CACNA2D4: variants seen among roughly 807,000 people sequenced by gnomAD.
CACNA2D4 encodes the protein voltage-dependent calcium channel subunit alpha-2/delta-4.
Under a neutral mutation model 163.8 loss-of-function variants are expected in CACNA2D4, and 157 were observed. The observed-to-expected ratio is 0.96, with a 90% CI of 0.84 to 1.09. The LOEUF (loss-of-function observed/expected upper bound fraction) is 1.09. Ranked by LOEUF, CACNA2D4 falls within the 50% of genes least tolerant of loss-of-function variation. The pLI, the probability that CACNA2D4 is intolerant of heterozygous loss-of-function variation, is 0.00. For synonymous variants in CACNA2D4, 598 were observed against 586.9 expected, an observed-to-expected ratio of 1.02 and a Z score of -0.27; for missense variants, 1,410 against 1,479.9, an observed-to-expected ratio of 0.95 and a Z score of 0.78.
chr12:1,876,684 C>T (rs1865890236), intron 16 of CACNA2D4, among the ~76,000 whole-genome samples: 1 of 152,040 alleles, frequency 6.6e-6, no homozygotes, highest in South Asian at 2.1e-4. Flanking sequence ...GATCCCCTTT[C>T]CCCTCTTTCC....
intron 25 of CACNA2D4, 59 bp from the exon 26 acceptor site, chr12:1,840,878 G>A (rs942655399): frequency 2.2e-5 from 31 of 1,428,432 alleles, no homozygotes; most frequent in South Asian, 3.4e-5. Flanking sequence ...CAGGTGGAGC[G>A]CTACCACTTT....
chr12:1,872,504 G>T (rs1865807673), intron 18 of CACNA2D4, among the ~76,000 whole-genome samples: 1 of 152,190 alleles, frequency 6.6e-6, no homozygotes, highest in South Asian at 2.1e-4. Context: ...CCTGGAGACG[G>T]TTTCTACTGA....
intron 26 of CACNA2D4, among the ~76,000 whole-genome samples, chr12:1,839,031 C>A (rs907392300): frequency 6.6e-6 from 1 of 152,190 alleles, no homozygotes; most frequent in Admixed American, 6.5e-5. Flanking sequence ...TCAGACGGAG[C>A]CATTCTCCCC....
chr12:1,807,809 G>C (rs894627491), intron 29 of CACNA2D4, among the ~76,000 whole-genome samples: 1 of 152,148 alleles, frequency 6.6e-6, no homozygotes, highest in East Asian at 1.9e-4. Flanking sequence ...TGATCACAGT[G>C]GGGGAGCAAG....
At chr12:1,797,717 G>T (rs2154445121) in intron 34 of CACNA2D4, 182 bp from the exon 35 acceptor site, 1 of 638,416 alleles carries the variant, frequency 1.6e-6, no homozygotes, top group Non-Finnish European at 2.8e-6. Context: ...GACACCCGGA[G>T]TCTCTGGAGA....
chr12:1,810,379 T>TCACC (rs764947433), intron 28 of CACNA2D4, 39 bp from the exon 29 acceptor site: 143 of 1,590,134 alleles, frequency 9.0e-5, no homozygotes, highest in Middle Eastern at 1.7e-4. Flanking sequence ...GCCAGGGCCC[T>TCACC]CACCCACCCC....
intron 26 of CACNA2D4, among the ~76,000 whole-genome samples, chr12:1,839,808 C>T (rs950986839): frequency 1.3e-5 from 2 of 151,974 alleles, no homozygotes; most frequent in Admixed American, 6.6e-5. Flanking sequence ...GAATCAGCAT[C>T]CACTGTTTGC....
intron 26 of CACNA2D4, chr12:1,830,967 G>T: frequency 6.2e-7 from 1 of 1,612,710 alleles, no homozygotes; most frequent in Non-Finnish European, 8.5e-7. Context: ...GTATGCTGTG[G>T]AGGCCCTCCC....
rs750242046 is a variant in CACNA2D4, at chr12:1,885,048, A to G, written c.1097T>C (p.Met366Thr). 6.2e-7 allele frequency: 1 copy of G among 1,613,912 alleles called. No homozygotes were observed. Among genetic ancestry groups the G allele is most frequent in the Non-Finnish European group, 8.5e-7 (1 of 1,179,872 alleles). Residue 366 changes from methionine (M) to threonine (T), a missense_variant, in exon 10 of 38, where the codon ATG (methionine) becomes ACG (threonine). Transcript: ENST00000382722. The part of the protein sequence containing the change: ...EHFKLLVEEL[M>T]VKGVGVVDQA... ...GTCCACGACCCCCACACCTTTGACC[A>G]TCAACTCCTCCACCAGCAGTTTGAA...
Position 1,883,347 on chromosome 12 carries a change from G to A in CACNA2D4, c.1352-347C>T, listed in dbSNP as rs1049674259. ...TTCCTCACAGGAACATCTCATGAGA[G>A]TGCCCTGTAAGCTTTCTTCTGCCAC... On this transcript the variant is annotated intron_variant, in intron 12 of 37. Coordinates refer to ENST00000382722, the MANE Select transcript of CACNA2D4 (RefSeq NM_172364.5). The surrounding 1 kb of genome is among the most constrained non-coding windows in gnomAD (Gnocchi z 4.5). 2.0e-5 allele frequency among the ~76,000 whole-genome samples: 3 copies of A among 152,166 alleles called. No individual in the cohort carries two copies. The South Asian group carries it at 6.2e-4, about 31-fold the overall frequency.
chr12:1,859,547 A>T (rs990189522), intron 19 of CACNA2D4, among the ~76,000 whole-genome samples: 1 of 152,242 alleles, frequency 6.6e-6, no homozygotes, highest in Non-Finnish European at 1.5e-5. Flanking sequence ...ACGGAACCTG[A>T]GATCTTCCAA....
At chr12:1,891,112 T>A (rs2470393) in intron 6 of CACNA2D4, among the ~76,000 whole-genome samples, 10 of 151,940 alleles carry the variant, frequency 6.6e-5, no homozygotes, top group Non-Finnish European at 1.0e-4. Flanking sequence ...GCAAGCCACC[T>A]GGAGGCCCAA....
At chr12:1,860,422 G>T (rs1227175965) in intron 18 of CACNA2D4, among the ~76,000 whole-genome samples, 1 of 152,246 alleles carries the variant, frequency 6.6e-6, no homozygotes, top group Non-Finnish European at 1.5e-5. Context: ...GGCGTGGCCT[G>T]GATTTCAGGA....
intron 25 of CACNA2D4, among the ~76,000 whole-genome samples, chr12:1,842,010 TC>T (rs1403875825): frequency 1.3e-5 from 2 of 152,170 alleles, no homozygotes; most frequent in African/African-American, 2.4e-5. Flanking sequence ...CCGACAATAT[TC>T]CCTGGGTCCC....
rs768308730 is a variant in CACNA2D4, at chr12:1,846,707, C to A, written c.2247-18G>T. ...CAGACTCCCTGTGTGGCAGACAGAG[C>A]GGGAATGGTCACCACATGGCTGTGG... On this transcript the variant is annotated intron_variant, in intron 23 of 37. Coordinates refer to ENST00000382722, the MANE Select transcript of CACNA2D4 (RefSeq NM_172364.5). 2 of 1,573,664 alleles carry A rather than the reference C, an allele frequency of 1.3e-6. No individual in the cohort carries two copies. The highest frequency in any genetic ancestry group is 8.6e-7 in the Non-Finnish European group (1 of 1,161,540).
At chr12:1,815,596 C>G (rs376078781) in intron 26 of CACNA2D4, among the ~76,000 whole-genome samples, 1 of 147,570 alleles carries the variant, frequency 6.8e-6, no homozygotes, top group South Asian at 2.1e-4. Flanking sequence ...TCCCCAGCAC[C>G]TAGAATCGTA....
At chr12:1,907,296 A>T in intron 6 of CACNA2D4, 144 bp downstream of exon 6, 1 of 669,296 alleles carries the variant, frequency 1.5e-6, no homozygotes, top group Non-Finnish European at 2.5e-6. Flanking sequence ...GAGAAGGGCT[A>T]AAGTGTGGGC....
chr12:1,856,697 C>A (rs1188098640), intron 20 of CACNA2D4, among the ~76,000 whole-genome samples: 2 of 152,212 alleles, frequency 1.3e-5, no homozygotes, highest in South Asian at 2.1e-4. Flanking sequence ...TTGGCTTCAT[C>A]CCCAGGATGG....
chr12:1,856,621 A>G (rs780490575), intron 20 of CACNA2D4, among the ~76,000 whole-genome samples: 1 of 152,202 alleles, frequency 6.6e-6, no homozygotes, highest in Non-Finnish European at 1.5e-5. Flanking sequence ...AGGAAGCTGC[A>G]TCTTATTCCT....
Sources: gnomAD v4.1 joint callset for allele counts (sites outside exome capture counted in the v4.1 genomes callset) on GRCh38, gnomAD v4.1.1 for gene constraint, Gnocchi (gnomAD v3.1) non-coding constraint, MANE v1.5 for transcripts, NCBI Gene and HGNC (gene_info 2026-07-23, HGNC 2026-07-21) for gene names.